DIAPH3: variants seen among roughly 807,000 people sequenced by gnomAD.
DIAPH3 encodes the protein protein diaphanous homolog 3.
DIAPH3 carries 117 observed loss-of-function variants against 144.3 expected under a neutral mutation model. That is an observed-to-expected ratio of 0.81 (90% CI 0.70 to 0.95). DIAPH3 has a LOEUF of 0.95. Ranked by LOEUF, DIAPH3 falls within the 40% of genes least tolerant of loss-of-function variation. The pLI, the probability that DIAPH3 is intolerant of heterozygous loss-of-function variation, is 0.00. For missense variants in DIAPH3, 1,421 were observed against 1,412.7 expected, an observed-to-expected ratio of 1.01 and a Z score of -0.09; for synonymous variants, 519 against 488.9, an observed-to-expected ratio of 1.06 and a Z score of -0.81.
intron 20 of DIAPH3, among the ~76,000 whole-genome samples, chr13:59,893,585 T>C (rs1206009458): frequency 1.3e-5 from 2 of 151,878 alleles, no homozygotes; most frequent in Admixed American, 1.3e-4. Context: ...ATATCTATCT[T>C]TAAAAGCAGA....
chr13:59,742,599 AAAG>A (rs1225098050), intron 27 of DIAPH3, among the ~76,000 whole-genome samples: 5 of 152,106 alleles, frequency 3.3e-5, no homozygotes, highest in Admixed American at 6.5e-5. Context: ...AGAGAAAAGA[AAAG>A]AAAGAAAAGA....
At chr13:59,878,571 T>C (rs2044783068) in intron 21 of DIAPH3, among the ~76,000 whole-genome samples, 1 of 152,100 alleles carries the variant, frequency 6.6e-6, no homozygotes, top group South Asian at 2.1e-4. Flanking sequence ...CCTATTACTA[T>C]GGCCCACTCC....
At chr13:60,062,011 C>A (rs1269615741) in intron 4 of DIAPH3, among the ~76,000 whole-genome samples, 1 of 152,094 alleles carries the variant, frequency 6.6e-6, no homozygotes, top group Admixed American at 6.6e-5. Flanking sequence ...CCTCTTCTAA[C>A]CCCCTCGGCA....
intron 22 of DIAPH3, among the ~76,000 whole-genome samples, chr13:59,859,938 G>A (rs933618822): frequency 5.3e-5 from 8 of 152,086 alleles, no homozygotes; most frequent in African/African-American, 1.9e-4. Context: ...ACATTTTCAG[G>A]TTGCAGAGGG....
rs528674583 is a variant in DIAPH3 at position 59,796,514 on chromosome 13, T to C, written c.3163+14274A>G. Among the ~76,000 whole-genome samples the C allele has an allele frequency of 8.5e-5, 13 of 152,348 alleles. No individual in the cohort carries two copies. In the East Asian group the frequency reaches 9.6e-4, roughly 11 times the overall value. On this transcript the variant is annotated intron_variant, in intron 25 of 27. Transcript: ENST00000400324. ...CATTTTCATTTCTGTTCTACAAATA[T>C]ATTAAGTACCTTCCATTCAGAAAAT...
chr13:59,810,923 G>T lies in DIAPH3; in HGVS notation c.3028C>A (p.Gln1010Lys), dbSNP rs1330526168. 2.4e-6 allele frequency: 3 copies of T among 1,256,222 alleles called. No homozygotes were observed. The highest frequency in any genetic ancestry group is 3.1e-6 in the Non-Finnish European group (3 of 952,820). 77.8% of individuals were successfully genotyped at this position (1,256,222 alleles called of 1,614,324 possible). A position where few individuals can be genotyped will look rare whatever the true frequency, so the allele number is the denominator to read the frequency against. Residue 1010 changes from glutamine (Q) to lysine (K), a missense_variant and splice_region_variant, in exon 25 of 28, where the codon CAA (glutamine) becomes AAA (lysine). Coordinates refer to ENST00000400324, the MANE Select transcript of DIAPH3 (RefSeq NM_001042517.2). The stretch of plus-strand genomic sequence containing the variant: ...TTTTTGATATTCTCCTTTATTGCTT[G>T]CTAAAAAAATTTTGAAAAATGATCA... ...DLNNFRTTFMQAIKENIKKRE... is the reference protein window; with the variant it reads ...DLNNFRTTFMKAIKENIKKRE...
intron 22 of DIAPH3, among the ~76,000 whole-genome samples, chr13:59,860,558 G>A (rs2043517074): frequency 1.3e-5 from 2 of 152,160 alleles, no homozygotes; most frequent in African/African-American, 4.8e-5. Context: ...CTAACATGGT[G>A]AAACCCCGTC....
At chr13:59,805,798 TTTC>T (rs1460723232) in intron 25 of DIAPH3, among the ~76,000 whole-genome samples, 2 of 152,020 alleles carry the variant, frequency 1.3e-5, no homozygotes, top group African/African-American at 2.4e-5. Context: ...ATGCTTCATT[TTTC>T]TTCTTGGAGA....
chr13:60,125,206 G>A (rs1427684327), intron 2 of DIAPH3, among the ~76,000 whole-genome samples: 1 of 151,834 alleles, frequency 6.6e-6, no homozygotes, highest in African/African-American at 2.4e-5. Context: ...CAATTCCCTA[G>A]TTATGTTGTT....
intron 24 of DIAPH3, among the ~76,000 whole-genome samples, chr13:59,827,779 C>T (rs2041529039): frequency 6.6e-6 from 1 of 151,848 alleles, no homozygotes; most frequent in African/African-American, 2.4e-5. Flanking sequence ...AAGTGGGAAC[C>T]GTACATACAT....
rs2050335680 is a variant in DIAPH3, at chr13:59,971,019, G to T, written c.1792C>A (p.Pro598Thr). The part of the protein sequence containing the change: ...PPPPPPPPPP[P>T]LPGMRMPFSG... ...AATGGCATCCGCATTCCTGGAAGTG[G>T]AGGAGGTGGTGGGGGAGGAGGTGGA... Residue 598 changes from proline (P) to threonine (T), a missense_variant, in exon 16 of 28, where the codon CCA becomes ACA. Coordinates refer to ENST00000400324, the MANE Select transcript of DIAPH3 (RefSeq NM_001042517.2). 4.3e-6 allele frequency: 7 copies of T among 1,613,308 alleles called. No homozygotes were observed. In the East Asian group the frequency reaches 1.3e-4, roughly 31 times the overall value.
At chr13:59,702,720 T>G (rs536860410) in intron 27 of DIAPH3, among the ~76,000 whole-genome samples, 1 of 152,332 alleles carries the variant, frequency 6.6e-6, no homozygotes, top group African/African-American at 2.4e-5. Flanking sequence ...ATTCTTTATC[T>G]CTAGATAAAC....
At chr13:60,121,729 A>G (rs2058849902) in intron 2 of DIAPH3, among the ~76,000 whole-genome samples, 1 of 152,176 alleles carries the variant, frequency 6.6e-6, no homozygotes, top group African/African-American at 2.4e-5. Flanking sequence ...TCAGATTAGA[A>G]GAATGAATGG....
intron 24 of DIAPH3, among the ~76,000 whole-genome samples, chr13:59,823,026 T>A (rs1020767680): frequency 1.3e-5 from 2 of 152,196 alleles, no homozygotes; most frequent in African/African-American, 4.8e-5. Context: ...CTATTTTTAT[T>A]CTCACTACCG....
At chr13:59,829,453 TAATGATAGG>T (rs2041656329) in intron 24 of DIAPH3, among the ~76,000 whole-genome samples, 1 of 151,904 alleles carries the variant, frequency 6.6e-6, no homozygotes, top group African/African-American at 2.4e-5. Flanking sequence ...GGCAGCTATG[TAATGATAGG>T]CAAGTCAGGA....
intron 3 of DIAPH3, among the ~76,000 whole-genome samples, chr13:60,101,069 C>T (rs888947673): frequency 1.3e-5 from 2 of 152,178 alleles, no homozygotes; most frequent in African/African-American, 4.8e-5. Flanking sequence ...TTTACAAAGA[C>T]CTCTAGTACT....
chr13:59,953,962 T>A (rs1347476947), intron 17 of DIAPH3, among the ~76,000 whole-genome samples: 1 of 152,186 alleles, frequency 6.6e-6, no homozygotes, highest in Non-Finnish European at 1.5e-5. Flanking sequence ...TGTTTCTAAG[T>A]GTCAAGAAAC....
chr13:60,044,205 C>T (rs995620670), intron 4 of DIAPH3: 1 of 152,158 alleles, frequency 6.6e-6, no homozygotes, highest in African/African-American at 2.4e-5. Context: ...GATTCACCAT[C>T]CAACGGCAGG....
chr13:59,970,955 A>T lies in DIAPH3; in HGVS notation c.1856T>A (p.Leu619His). 1 of 1,613,816 alleles carries T rather than the reference A, an allele frequency of 6.2e-7. No individual in the cohort carries two copies. The highest frequency in any genetic ancestry group is 1.3e-5 in the African/African-American group (1 of 74,986). Residue 619 changes from leucine (L) to histidine (H), a missense_variant, in exon 16 of 28, where the codon CTT (leucine) becomes CAT (histidine). Coordinates refer to ENST00000400324, the MANE Select transcript of DIAPH3 (RefSeq NM_001042517.2). The part of the protein sequence containing the change: ...PVPPPPPLGF[L>H]GGQNSPPLPI... ...TAGAGGAGGAGAATTTTGTCCTCCA[A>T]GGAATCCCAGGGGAGGTGGTGGAGG...
Sources: gnomAD v4.1 joint callset for allele counts (sites outside exome capture counted in the v4.1 genomes callset) on GRCh38, gnomAD v4.1.1 for gene constraint, MANE v1.5 for transcripts, NCBI Gene and HGNC (gene_info 2026-07-23, HGNC 2026-07-21) for gene names.